The following SORCS1 variants were observed in gnomAD, a reference collection of about 807,000 sequenced individuals.
SORCS1 encodes VPS10 domain-containing receptor SorCS1.
In SORCS1, 60 loss-of-function variants were observed where a neutral mutation model predicts 146.1. The ratio of observed to expected loss-of-function variants is 0.41; its 90% CI spans 0.33 to 0.51. The LOEUF is 0.51. SORCS1 is among the 20% of genes least tolerant of loss of function. The pLI is 0.21. For synonymous variants in SORCS1, 637 were observed against 584.0 expected, an observed-to-expected ratio of 1.09 and a Z score of -1.31; for missense variants, 1,352 against 1,487.6, an observed-to-expected ratio of 0.91 and a Z score of 1.50.
At chr10:106,623,533 C>G (rs1047184480) in intron 19 of SORCS1, among the ~76,000 whole-genome samples, 3 of 151,866 alleles carry the variant, frequency 2.0e-5, no homozygotes, top group African/African-American at 7.3e-5. Context: ...CGTGAGCCAC[C>G]ACGCCCGGCT....
At chr10:107,068,127 G>T (rs894454639) in intron 1 of SORCS1, among the ~76,000 whole-genome samples, 1 of 152,118 alleles carries the variant, frequency 6.6e-6, no homozygotes, top group East Asian at 1.9e-4. Flanking sequence ...ATTGCTTTCA[G>T]TAATCATCAT....
At chr10:106,839,570 G>A (rs781712288) in intron 2 of SORCS1, among the ~76,000 whole-genome samples, 29 of 152,180 alleles carry the variant, frequency 1.9e-4, no homozygotes, top group Non-Finnish European at 3.1e-4. Flanking sequence ...ACTGCATCAG[G>A]TTATACAGAA....
At chr10:106,731,711 G>GAC (rs1391345847) in intron 5 of SORCS1, among the ~76,000 whole-genome samples, 1 of 151,916 alleles carries the variant, frequency 6.6e-6, no homozygotes, top group African/African-American at 2.4e-5. Context: ...TCCCCCAACA[G>GAC]ACACACACAC....
intron 21 of SORCS1, among the ~76,000 whole-genome samples, chr10:106,615,146 T>C (rs554075521): frequency 2.2e-4 from 33 of 152,326 alleles, no homozygotes; most frequent in African/African-American, 7.5e-4. Context: ...TAGAGTATTC[T>C]GGAAAACTTA....
At chr10:107,074,690 C>T (rs908530204) in intron 1 of SORCS1, among the ~76,000 whole-genome samples, 3 of 152,186 alleles carry the variant, frequency 2.0e-5, no homozygotes, top group African/African-American at 7.2e-5. Flanking sequence ...TGTTGCTCCA[C>T]ATCCTTGTCA....
chr10:106,790,416 T>A (rs1463656174), intron 3 of SORCS1, among the ~76,000 whole-genome samples: 1 of 152,168 alleles, frequency 6.6e-6, no homozygotes, highest in Admixed American at 6.5e-5. Context: ...CCTGACTGAC[T>A]GAAACTAGGG....
intron 2 of SORCS1, among the ~76,000 whole-genome samples, chr10:106,837,670 T>C (rs1948842152): frequency 6.6e-6 from 1 of 151,372 alleles, no homozygotes; most frequent in South Asian, 2.1e-4. Flanking sequence ...ATAATTTGCA[T>C]TCCAATTGTC....
intron 18 of SORCS1, among the ~76,000 whole-genome samples, chr10:106,635,378 A>T (rs1306568947): frequency 6.6e-6 from 1 of 152,210 alleles, no homozygotes; most frequent in Admixed American, 6.5e-5. Context: ...CATTGCAGAA[A>T]AATCACTAGT....
At chr10:106,936,185 G>A (rs902087998) in intron 2 of SORCS1, among the ~76,000 whole-genome samples, 1 of 152,204 alleles carries the variant, frequency 6.6e-6, no homozygotes, top group East Asian at 1.9e-4. Flanking sequence ...GTTGTGCTTA[G>A]ACTTTGGGAC....
chr10:107,159,551 C>A (rs615993), intron 1 of SORCS1, among the ~76,000 whole-genome samples: 19,715 of 152,022 alleles, frequency 0.13, 1,462 homozygotes, highest in East Asian at 0.29. Context: ...TTTGTATCCA[C>A]GATGTCGCCT....
At chr10:106,622,727 T>C (rs1784711916) in intron 19 of SORCS1, among the ~76,000 whole-genome samples, 1 of 152,198 alleles carries the variant, frequency 6.6e-6, no homozygotes, top group Non-Finnish European at 1.5e-5. Context: ...TCTTATTTTA[T>C]CCTCACAAAA....
intron 2 of SORCS1, among the ~76,000 whole-genome samples, chr10:106,842,547 G>C (rs12258314): frequency 6.6e-6 from 1 of 151,538 alleles, no homozygotes; most frequent in South Asian, 2.1e-4. Context: ...TCTTTCATGA[G>C]ATGTCTGTTC....
chr10:106,994,707 T>C (rs1956921416), intron 1 of SORCS1, among the ~76,000 whole-genome samples: 1 of 152,200 alleles, frequency 6.6e-6, no homozygotes, highest in African/African-American at 2.4e-5. Context: ...ATTACTTGAA[T>C]GTGAAAATAC....
chr10:107,096,616 A>G (rs1402582737), intron 1 of SORCS1, among the ~76,000 whole-genome samples: 1 of 152,086 alleles, frequency 6.6e-6, no homozygotes, highest in East Asian at 1.9e-4. Flanking sequence ...GGTTCAAGCG[A>G]TTCTCCTGCC....
At chr10:107,015,614 A>C (rs887982182) in intron 1 of SORCS1, among the ~76,000 whole-genome samples, 1 of 152,204 alleles carries the variant, frequency 6.6e-6, no homozygotes, top group African/African-American at 2.4e-5. Flanking sequence ...TAATTTCAAA[A>C]TGGAAACTAT....
intron 18 of SORCS1, among the ~76,000 whole-genome samples, chr10:106,637,440 A>C (rs2133641446): frequency 6.6e-6 from 1 of 152,300 alleles, no homozygotes; most frequent in East Asian, 1.9e-4. Flanking sequence ...ATAATTACGG[A>C]GTATTGTCAG....
chr10:107,148,431 A>T (rs1276494271), intron 1 of SORCS1, among the ~76,000 whole-genome samples: 1 of 152,200 alleles, frequency 6.6e-6, no homozygotes, highest in Non-Finnish European at 1.5e-5. Flanking sequence ...AATAATTTTC[A>T]CATGTCATGA....
chr10:106,766,202 A>G (rs1423702298), intron 4 of SORCS1, among the ~76,000 whole-genome samples: 1 of 152,048 alleles, frequency 6.6e-6, no homozygotes, highest in Non-Finnish European at 1.5e-5. Flanking sequence ...TCCTCTTAAC[A>G]TTTTGGAAGC....
At chr10:106,837,601 G>A (rs1006124468) in intron 2 of SORCS1, among the ~76,000 whole-genome samples, 1 of 148,942 alleles carries the variant, frequency 6.7e-6, no homozygotes, top group Non-Finnish European at 1.5e-5. Flanking sequence ...TCTAGTAGGC[G>A]GTCAGTGCCC....
Sources: allele counts gnomAD v4.1 joint callset (sites outside exome capture counted in the v4.1 genomes callset), GRCh38; gene constraint gnomAD v4.1.1; transcripts MANE v1.5; gene names NCBI Gene and HGNC (gene_info 2026-07-23, HGNC 2026-07-21).